Variants in BAZ1A observed in about 807,000 individuals in gnomAD.
BAZ1A encodes bromodomain adjacent to zinc finger domain 1A.
In BAZ1A, 50 loss-of-function variants were observed where a neutral mutation model predicts 185.2. That is an observed-to-expected ratio of 0.27 (90% CI 0.22 to 0.34). BAZ1A has a LOEUF of 0.34. Among genes scored for constraint, BAZ1A ranks in the 10% least tolerant of loss-of-function variants. The pLI is 1.00. For missense variants in BAZ1A, 1,356 were observed against 1,839.9 expected (o/e 0.74, Z 4.81); for synonymous variants, 571 against 615.6 (o/e 0.93, Z 1.07).
chr14:34,799,426 GCA>G (rs1396888367), intron 9 of BAZ1A, among the ~76,000 whole-genome samples: 1 of 151,962 alleles, frequency 6.6e-6, no homozygotes, highest in Non-Finnish European at 1.5e-5. Context: ...ACTAAAATGA[GCA>G]CAGAGCATGT....
At chr14:34,869,967 C>T (rs1028896554) in intron 2 of BAZ1A, among the ~76,000 whole-genome samples, 9 of 152,154 alleles carry the variant, frequency 5.9e-5, no homozygotes, top group Non-Finnish European at 1.0e-4. Flanking sequence ...AGACCTGTGA[C>T]TGAGGCTCTT....
chr14:34,861,939 A>C, intron 3 of BAZ1A, 105 bp downstream of exon 3: 1 of 1,293,632 alleles, frequency 7.7e-7, no homozygotes, highest in Non-Finnish European at 1.1e-6. Flanking sequence ...GAATAGCTAG[A>C]GCATAGTAAA....
intron 25 of BAZ1A, among the ~76,000 whole-genome samples, chr14:34,756,237 C>T (rs903464963): frequency 2.1e-4 from 32 of 151,520 alleles, no homozygotes; most frequent in African/African-American, 7.5e-4. Context: ...CCTCAGCCTC[C>T]AGAGTAGCTG....
chr14:34,860,124 GTTT>G (rs960047308), intron 3 of BAZ1A, among the ~76,000 whole-genome samples: 2 of 152,078 alleles, frequency 1.3e-5, no homozygotes, highest in Admixed American at 6.6e-5. Flanking sequence ...GAGTTCCATA[GTTT>G]TTTTGTTTTG....
At chr14:34,776,656 A>C in intron 17 of BAZ1A, 141 bp from the exon 18 acceptor site, 1 of 669,118 alleles carries the variant, frequency 1.5e-6, no homozygotes, top group East Asian at 2.7e-5. Flanking sequence ...TCATATGTTG[A>C]AGCCCTAACC....
intron 4 of BAZ1A, among the ~76,000 whole-genome samples, chr14:34,811,805 G>T (rs868606911): frequency 1.6e-4 from 24 of 152,158 alleles, no homozygotes; most frequent in African/African-American, 2.6e-4. Flanking sequence ...CCAGTTTAAA[G>T]AGTAAAAAAT....
At position 34,872,941 on chromosome 14, in the gene BAZ1A, A is replaced by AAAAAAAAAAAC. The variant is rs1555346584; in HGVS notation, c.113+1550_113+1551insGTTTTTTTTTT. ...AAAAAAAAAAAAAAAAAAAAAAAAA[A>AAAAAAAAAAAC]CTTGTCCAATTACCTAATCCAAGTT... is the stretch of plus-strand genomic sequence containing the variant. On this transcript the variant is annotated intron_variant, in intron 2 of 26. Transcript: ENST00000360310. Among the ~76,000 whole-genome samples, 20 of 122,680 alleles carry AAAAAAAAAAAC rather than the reference A, an allele frequency of 1.6e-4. 1 individual carries two copies. Among genetic ancestry groups the AAAAAAAAAAAC allele is most frequent in the African/African-American group, 6.2e-4 (19 of 30,818 alleles). The allele number at this position is 122,680 out of a possible 152,430, so 80.5% of individuals were successfully genotyped here.
At chr14:34,870,838 T>C (rs7158310) in intron 2 of BAZ1A, among the ~76,000 whole-genome samples, 23,846 of 152,196 alleles carry the variant, frequency 0.16, 2,121 homozygotes, top group Admixed American at 0.28. Flanking sequence ...TTTCCTCACC[T>C]GTAAAAGGAG....
chr14:34,839,746 G>A (rs933475300), intron 3 of BAZ1A, among the ~76,000 whole-genome samples: 1 of 149,982 alleles, frequency 6.7e-6, no homozygotes, highest in Non-Finnish European at 1.5e-5. Flanking sequence ...GGGAGGCTGA[G>A]GCAGAATGGC....
intron 3 of BAZ1A, among the ~76,000 whole-genome samples, chr14:34,834,466 G>T (rs1283822315): frequency 6.6e-6 from 1 of 152,162 alleles, no homozygotes; most frequent in Non-Finnish European, 1.5e-5. Flanking sequence ...ATAATTTGAG[G>T]ACTAATATAT....
intron 24 of BAZ1A, among the ~76,000 whole-genome samples, 161 bp from the exon 25 acceptor site, chr14:34,759,007 A>G (rs367730084): frequency 1.5e-4 from 23 of 152,138 alleles, no homozygotes; most frequent in African/African-American, 5.6e-4. Context: ...CAACCAAAAT[A>G]GGACCAAATA....
At chr14:34,806,362 A>G (rs1881855979) in intron 6 of BAZ1A, among the ~76,000 whole-genome samples, 1 of 152,098 alleles carries the variant, frequency 6.6e-6, no homozygotes, top group Non-Finnish European at 1.5e-5. Context: ...TTAACGTGTC[A>G]TGGGGGTTCT....
At chr14:34,797,283 G>C (rs895411461) in intron 9 of BAZ1A, among the ~76,000 whole-genome samples, 1 of 152,174 alleles carries the variant, frequency 6.6e-6, no homozygotes, top group African/African-American at 2.4e-5. Flanking sequence ...TCTCTGGCCA[G>C]GTGCGGTGGC....
rs45511494 is a variant in BAZ1A at position 34,752,806 on chromosome 14, C to G, written c.*702G>C. The G allele has an allele frequency of 6.6e-6, 1 of 152,076 alleles. No homozygotes were observed. The highest frequency in any genetic ancestry group is 1.5e-5 in the Non-Finnish European group (1 of 68,020). 9.4% of individuals were successfully genotyped at this position (152,076 alleles called of 1,614,324 possible). ...AAACTTATAATACAGTTCTGTAAAG[C>G]TGAAAGAACTGTCAGGAAAAAGGGA... is the stretch of plus-strand genomic sequence containing the variant. On this transcript the variant is annotated 3_prime_UTR_variant, in exon 27 of 27. Transcript: ENST00000360310.
Position 34,765,134 on chromosome 14 carries a change from T to C in BAZ1A, c.3436A>G (p.Ile1146Val), listed in dbSNP as rs1297988101. ...LDRSVIWSKS[I>V]LNARCKICRK... ...CATATCTTGCAACGCGCATTCAGTA[T>C]AGATTTAGACCATATCACGCTACGA... is the stretch of plus-strand genomic sequence containing the variant. The change falls in exon 22 of 27, where the codon ATA becomes GTA. Residue 1146 changes from isoleucine to valine, a missense_variant. This residue lies in a region of BAZ1A where 11 missense variants were observed against 34.6 expected (regional missense o/e 0.32). Transcript: ENST00000360310. The C allele has an allele frequency of 1.2e-6, 2 of 1,614,162 alleles. No individual in the cohort carries two copies. Among genetic ancestry groups the C allele is most frequent in the Non-Finnish European group, 1.7e-6 (2 of 1,180,018 alleles).
At chr14:34,868,465 A>G (rs898985668) in intron 2 of BAZ1A, among the ~76,000 whole-genome samples, 5 of 152,170 alleles carry the variant, frequency 3.3e-5, no homozygotes, top group South Asian at 2.1e-4. Context: ...TGGGAAAACT[A>G]AAAAACTAAA....
chr14:34,871,219 T>TA (rs2042943844), intron 2 of BAZ1A, among the ~76,000 whole-genome samples: 1 of 152,204 alleles, frequency 6.6e-6, no homozygotes, highest in Non-Finnish European at 1.5e-5. Flanking sequence ...TAGCCAAAAT[T>TA]AAAGAATATT....
chr14:34,761,909 G>A lies in BAZ1A; in HGVS notation c.4091C>T (p.Ala1364Val), dbSNP rs1465991939. The A allele has an allele frequency of 6.2e-7, 1 of 1,614,200 alleles. No individual in the cohort carries two copies. The highest frequency in any genetic ancestry group is 8.5e-7 in the Non-Finnish European group (1 of 1,180,034). Residue 1364 changes from alanine to valine, a missense_variant, in exon 24 of 27, where the codon GCT becomes GTT. By Grantham distance (64) the Ala-to-Val change is moderately conservative (BLOSUM62 0). This residue lies in a region of BAZ1A where 309 missense variants were observed against 355.3 expected (regional missense o/e 0.87). Coordinates refer to ENST00000360310, the MANE Select transcript of BAZ1A (RefSeq NM_013448.3). The stretch of plus-strand genomic sequence containing the variant: ...GGGACTATTTTCTGGTGTATTATTA[G>A]CACTTTTCCTGCCTCTGCGTTTTCT... ...PRRKRRGRKS[A>V]NNTPENSPNF...
chr14:34,842,264 A>C (rs1184749008), intron 3 of BAZ1A, among the ~76,000 whole-genome samples: 1 of 152,216 alleles, frequency 6.6e-6, no homozygotes, highest in Non-Finnish European at 1.5e-5. Flanking sequence ...TTCAAGTCAA[A>C]AGACAGAACG....
Sources: gnomAD v4.1 joint callset for allele counts (sites outside exome capture counted in the v4.1 genomes callset) on GRCh38, gnomAD v4.1.1 for gene constraint, gnomAD v4.1.1 regional missense constraint, MANE v1.5 for transcripts, NCBI Gene and HGNC (gene_info 2026-07-23, HGNC 2026-07-21) for gene names.